Variants in CUL2 observed in about 807,000 individuals in gnomAD.
The protein encoded by CUL2 is cullin-2.
A neutral mutation model predicts 110.2 loss-of-function variants in CUL2; 22 were observed. That is an observed-to-expected ratio of 0.20 (90% confidence interval 0.14 to 0.28). CUL2 has a LOEUF of 0.28. CUL2 is among the 10% of genes least tolerant of loss of function. The probability of loss-of-function intolerance (pLI) is 1.00; values close to 1 mark genes in which losing one functional copy is unlikely to be tolerated. For synonymous variants in CUL2, 279 were observed against 293.2 expected (o/e 0.95, Z 0.49); for missense variants, 631 against 905.5 (o/e 0.70, Z 3.89).
intron 10 of CUL2, 45 bp from the exon 11 acceptor site, chr10:35,033,318 A>T (rs1564708440): frequency 7.6e-7 from 1 of 1,318,872 alleles, no homozygotes; most frequent in South Asian, 1.2e-5. Context: ...AAGAGGTTCA[A>T]GGATATCCAA....
chr10:35,090,517 A>C (rs1473818107), upstream of CUL2: 1 of 152,496 alleles, frequency 6.6e-6, no homozygotes, highest in Non-Finnish European at 1.5e-5. Context: ...GAAAGGGGAG[A>C]AGGACGGGCC....
rs764431861 is a variant in CUL2, at chr10:35,049,740, A to C, written c.449T>G (p.Leu150Trp). 1 of 1,613,366 alleles carries C rather than the reference A, an allele frequency of 6.2e-7. No homozygotes were observed. The highest frequency in any genetic ancestry group is 1.1e-5 in the South Asian group (1 of 90,840). ...GELALDMWRKLMVEPLQAILI... is the reference protein window; with the variant it reads ...GELALDMWRKWMVEPLQAILI... ...GATGGCCTGAAGTGGTTCAACCATC[A>C]ATTTCCTCCACATATCCAATGCTAG... Residue 150 changes from leucine to tryptophan, a missense_variant, in exon 6 of 21, where the codon TTG becomes TGG. Leu to Trp is a moderately conservative substitution (Grantham distance 61, BLOSUM62 -2). Coordinates refer to ENST00000374749, the MANE Select transcript of CUL2 (RefSeq NM_003591.4).
intron 1 of CUL2, among the ~76,000 whole-genome samples, chr10:35,076,855 G>C (rs1179682941): frequency 6.6e-6 from 1 of 152,078 alleles, no homozygotes; most frequent in African/African-American, 2.4e-5. Flanking sequence ...TTCGAGATCA[G>C]CTGGCTGACA....
intron 10 of CUL2, among the ~76,000 whole-genome samples, chr10:35,034,726 G>A (rs1051922297): frequency 6.6e-6 from 1 of 152,156 alleles, no homozygotes; most frequent in African/African-American, 2.4e-5. Flanking sequence ...GGGGCAGCAA[G>A]CATATACTTA....
intron 8 of CUL2, among the ~76,000 whole-genome samples, chr10:35,039,984 C>T (rs1282789666): frequency 6.6e-6 from 1 of 152,106 alleles, no homozygotes; most frequent in Non-Finnish European, 1.5e-5. Flanking sequence ...GAAACCCCGT[C>T]TCTACAAAAA....
chr10:35,042,210 T>C (rs568547741), intron 8 of CUL2, among the ~76,000 whole-genome samples: 1 of 151,714 alleles, frequency 6.6e-6, no homozygotes, highest in East Asian at 1.9e-4. Context: ...CTTCTGTCCT[T>C]TTGAATTTGT....
intron 8 of CUL2, among the ~76,000 whole-genome samples, chr10:35,043,209 GCCAGTGGCATAT>G (rs2085839943): frequency 6.6e-6 from 1 of 152,104 alleles, no homozygotes; most frequent in Non-Finnish European, 1.5e-5. Flanking sequence ...GCCACCACTT[GCCAGTGGCATAT>G]TTTTGACAGC....
At position 35,084,219 on chromosome 10, in the gene CUL2, G is replaced by A. The variant is rs568202157; in HGVS notation, c.-23+5960C>T. ...TTGAACCCAGGAGGCAGAGGTTGCA[G>A]TGAGCTGAGATCGCGCCACTGCACT... is the stretch of plus-strand genomic sequence containing the variant. On this transcript the variant is annotated intron_variant, in intron 1 of 20. Coordinates refer to ENST00000374749, the MANE Select transcript of CUL2 (RefSeq NM_003591.4). Among the ~76,000 whole-genome samples the A allele has an allele frequency of 3.9e-5, 6 of 152,358 alleles. No individual in the cohort carries two copies. In the South Asian group the frequency reaches 1.2e-3, roughly 32 times the overall value.
Position 35,044,550 on chromosome 10 carries a change from A to T in CUL2, c.714+16T>A, listed in dbSNP as rs771405627. The stretch of plus-strand genomic sequence containing the variant: ...TACAAAATAGATAAATGTATTCGAT[A>T]TGTTTTATTTCTTACCTTTTCCATA... On this transcript the variant is annotated intron_variant, in intron 8 of 20. Transcript: ENST00000374749. 3.4e-6 allele frequency: 5 copies of T among 1,456,294 alleles called. No homozygotes were observed. Among genetic ancestry groups the T allele is most frequent in the African/African-American group, 1.4e-5 (1 of 70,530 alleles). The allele number at this position is 1,456,294 out of a possible 1,614,324, so 90.2% of individuals were successfully genotyped here.
At chr10:35,013,191 C>T (rs753566158) in intron 19 of CUL2, among the ~76,000 whole-genome samples, 12 of 151,674 alleles carry the variant, frequency 7.9e-5, no homozygotes, top group Non-Finnish European at 1.5e-4. Context: ...GTACAAAAAA[C>T]AAAATTAGCC....
intron 1 of CUL2, among the ~76,000 whole-genome samples, chr10:35,084,845 C>T (rs144457250): frequency 3.2e-4 from 49 of 152,274 alleles, no homozygotes; most frequent in African/African-American, 1.1e-3. Flanking sequence ...GTTGGACAGG[C>T]CTGGTGGCTC....
intron 1 of CUL2, among the ~76,000 whole-genome samples, chr10:35,116,923 C>T (rs1282595754): frequency 6.6e-6 from 1 of 150,734 alleles, no homozygotes; most frequent in African/African-American, 2.4e-5. Context: ...TGCCACTGCA[C>T]TCCAGCCTGG....
At chr10:35,105,644 G>C (rs146330095) in intron 1 of CUL2, among the ~76,000 whole-genome samples, 21,099 of 147,130 alleles carry the variant, frequency 0.14, 1,790 homozygotes, top group East Asian at 0.24. Context: ...GGAGGCAGAG[G>C]TTGCAGTGAG....
Position 35,010,155 on chromosome 10 carries a change from G to C in CUL2, c.*156C>G, listed in dbSNP as rs1392562903. ...TGAAATATCTCTAGGCATTTTCTTT[G>C]ACGCTCATGACGTGGCACTGGTGAT... On this transcript the variant is annotated 3_prime_UTR_variant, in exon 21 of 21. Coordinates refer to ENST00000374749, the MANE Select transcript of CUL2 (RefSeq NM_003591.4). 8 of 519,528 alleles carry C rather than the reference G, an allele frequency of 1.5e-5. No homozygotes were observed. Among genetic ancestry groups the C allele is most frequent in the Non-Finnish European group, 2.1e-5 (7 of 331,406 alleles). 32.2% of individuals were successfully genotyped at this position (519,528 alleles called of 1,614,324 possible). A position where few individuals can be genotyped will look rare whatever the true frequency, so the allele number is the denominator to read the frequency against.
At chr10:35,092,917 C>G (rs185864483), upstream of CUL2, among the ~76,000 whole-genome samples, 2 of 152,254 alleles carry the variant, frequency 1.3e-5, no homozygotes, top group East Asian at 3.9e-4. Flanking sequence ...CCTTACTGCT[C>G]AGGGGTCATG....
chr10:35,088,048 C>T (rs534096312), intron 1 of CUL2, among the ~76,000 whole-genome samples: 4 of 152,334 alleles, frequency 2.6e-5, no homozygotes, highest in African/African-American at 7.2e-5. Flanking sequence ...GAATTTCAAA[C>T]TTCACCTCAG....
At chr10:35,086,591 A>G (rs1228223620) in intron 1 of CUL2, among the ~76,000 whole-genome samples, 1 of 152,042 alleles carries the variant, frequency 6.6e-6, no homozygotes, top group Non-Finnish European at 1.5e-5. Flanking sequence ...GTGGCCGGAA[A>G]CAGCTTTTTA....
intron 1 of CUL2, among the ~76,000 whole-genome samples, chr10:35,107,823 A>G (rs2087479530): frequency 1.5e-5 from 2 of 130,340 alleles, no homozygotes; most frequent in African/African-American, 5.8e-5. Context: ...AGGAGCTTGC[A>G]GTGAGCCTAG....
At position 35,037,797 on chromosome 10, in the gene CUL2, C is replaced by T. The variant is rs55835800; in HGVS notation, c.877+1123G>A. Among the ~76,000 whole-genome samples, 288 of 152,046 alleles carry T rather than the reference C, an allele frequency of 1.9e-3. 2 individuals are homozygous for T. Among genetic ancestry groups the T allele is most frequent in the Non-Finnish European group, 3.4e-3 (229 of 67,968 alleles). The stretch of plus-strand genomic sequence containing the variant: ...GGCAGAGGTTATAGTGAACAGAGAT[C>T]GCGCCACTGCATTATAGCCTGGGCC... On this transcript the variant is annotated intron_variant, in intron 9 of 20. Transcript: ENST00000374749.
Sources: gnomAD v4.1 joint callset for allele counts (sites outside exome capture counted in the v4.1 genomes callset) on GRCh38, gnomAD v4.1.1 for gene constraint, MANE v1.5 for transcripts, NCBI Gene and HGNC (gene_info 2026-07-23, HGNC 2026-07-21) for gene names.